Variants in DAB1 observed in about 807,000 individuals in gnomAD.
The protein encoded by DAB1 is DAB adaptor protein 1.
DAB1 carries 15 observed loss-of-function variants against 64.6 expected under a neutral mutation model. The observed-to-expected ratio is 0.23, with a 90% CI of 0.16 to 0.36. The LOEUF (loss-of-function observed/expected upper bound fraction) is 0.36, where lower values mean the gene tolerates loss of function less well. Among genes scored for constraint, DAB1 ranks in the 10% least tolerant of loss-of-function variants. The probability of loss-of-function intolerance (pLI) is 1.00; values close to 1 mark genes in which losing one functional copy is unlikely to be tolerated. For missense variants in DAB1, 596 were observed against 706.7 expected, an observed-to-expected ratio of 0.84 and a Z score of 1.78; for synonymous variants, 235 against 251.9, an observed-to-expected ratio of 0.93 and a Z score of 0.64.
At chr1:57,480,485 A>G (rs1345803797) in intron 7 of DAB1, among the ~76,000 whole-genome samples, 1 of 143,386 alleles carries the variant, frequency 7.0e-6, no homozygotes, top group African/African-American at 2.8e-5. Flanking sequence ...TAATTAGTGT[A>G]ATTTTCTTTT....
intron 5 of DAB1, among the ~76,000 whole-genome samples, chr1:58,118,688 A>C (rs1256715570): frequency 6.7e-6 from 1 of 148,404 alleles, no homozygotes; most frequent in Admixed American, 6.9e-5. Context: ...ACATATATAT[A>C]TCCTCATAAA....
rs1557427607 is a variant in DAB1, at chr1:57,695,286, AAGGG to A, written n.552-45625_552-45622del. ...GAAGGAAGGAAGGAAGGAAGGAAGA[AAGGG>A]AGAGAGAAGGAAAGAAAGAAAGAAA... On this transcript the variant is annotated intron_variant and non_coding_transcript_variant, in intron 6 of 20. Transcript: ENST00000485760. Among the ~76,000 whole-genome samples the A allele has an allele frequency of 3.4e-3, 413 of 120,546 alleles. 80 individuals carry two copies. The highest frequency in any genetic ancestry group is 0.011 in the African/African-American group (314 of 27,930). The allele number at this position is 120,546 out of a possible 152,430, so 79.1% of individuals were successfully genotyped here.
chr1:57,536,612 C>G (rs1277679724), intron 7 of DAB1, among the ~76,000 whole-genome samples: 1 of 86,554 alleles, frequency 1.2e-5, no homozygotes, highest in African/African-American at 2.7e-5. Context: ...GTGCTGACAT[C>G]CAGAAAAAAA....
At chr1:57,214,828 G>A (rs762386925) in intron 2 of DAB1, among the ~76,000 whole-genome samples, 2 of 141,860 alleles carry the variant, frequency 1.4e-5, no homozygotes, top group African/African-American at 2.7e-5. Context: ...GGAGAATAGC[G>A]TGAACCCAGG....
intron 7 of DAB1, among the ~76,000 whole-genome samples, chr1:57,599,564 G>C (rs1645552170): frequency 6.6e-6 from 1 of 152,060 alleles, no homozygotes; most frequent in Non-Finnish European, 1.5e-5. Context: ...ATACTGCTGA[G>C]CCTCAGTTTT....
chr1:58,132,414 G>A (rs1004086861), intron 5 of DAB1, among the ~76,000 whole-genome samples: 8 of 152,112 alleles, frequency 5.3e-5, no homozygotes, highest in South Asian at 2.1e-4. Flanking sequence ...GAAATCACCC[G>A]TCTTCTGCGT....
At chr1:57,850,059 A>G (rs1653451081) in intron 1 of DAB1, among the ~76,000 whole-genome samples, 1 of 152,174 alleles carries the variant, frequency 6.6e-6, no homozygotes, top group Admixed American at 6.5e-5. Flanking sequence ...TGGCTTGGAC[A>G]GGAAAAAATG....
intron 1 of DAB1, among the ~76,000 whole-genome samples, chr1:57,342,688 T>C (rs1329696747): frequency 3.3e-5 from 5 of 152,192 alleles, no homozygotes; most frequent in Admixed American, 3.3e-4. Flanking sequence ...GTCCGGAGTT[T>C]GTTCCTTCTG....
At chr1:57,150,726 A>T (rs72909185) in intron 2 of DAB1, among the ~76,000 whole-genome samples, 4,425 of 152,268 alleles carry the variant, frequency 0.029, 208 homozygotes, top group African/African-American at 0.1. Flanking sequence ...GGAGGGTTTC[A>T]AGAGGTAGGG....
rs563010913 is a variant in DAB1 at position 58,344,137 on chromosome 1, C to T, written n.258-734G>A. Among the ~76,000 whole-genome samples, 4 of 152,204 alleles carry T rather than the reference C, an allele frequency of 2.6e-5. No individual in the cohort carries two copies. In the South Asian group the frequency reaches 8.3e-4, roughly 32 times the overall value. ...ATGTGACCTTAGGCAAGTTACTTAA[C>T]CTCTCTGAGTCTCGCTGTTCTCAAC... is the stretch of plus-strand genomic sequence containing the variant. On this transcript the variant is annotated intron_variant and non_coding_transcript_variant, in intron 3 of 20. Transcript: ENST00000485760.
chr1:57,293,943 C>A (rs1305645652), intron 1 of DAB1, among the ~76,000 whole-genome samples: 2 of 152,094 alleles, frequency 1.3e-5, no homozygotes, highest in Non-Finnish European at 2.9e-5. Context: ...AAGTACATCC[C>A]TACATCAATA....
intron 7 of DAB1, among the ~76,000 whole-genome samples, chr1:57,472,821 C>A (rs1397231482): frequency 2.6e-5 from 4 of 152,172 alleles, no homozygotes; most frequent in Non-Finnish European, 4.4e-5. Flanking sequence ...TGCTACAAAA[C>A]AATACTCTAC....
At chr1:58,276,225 A>C (rs1472858350) in intron 4 of DAB1, among the ~76,000 whole-genome samples, 1 of 152,204 alleles carries the variant, frequency 6.6e-6, no homozygotes, top group Non-Finnish European at 1.5e-5. Flanking sequence ...AAAGTTCTGG[A>C]ATTGAGTGCA....
At chr1:58,452,745 T>C (rs1280489722) in intron 3 of DAB1, among the ~76,000 whole-genome samples, 1 of 151,578 alleles carries the variant, frequency 6.6e-6, no homozygotes, top group Non-Finnish European at 1.5e-5. Flanking sequence ...GGAGAATCAC[T>C]TGAACCCGGG....
intron 5 of DAB1, among the ~76,000 whole-genome samples, chr1:58,083,164 C>G (rs769114445): frequency 6.6e-6 from 1 of 152,132 alleles, no homozygotes; most frequent in Non-Finnish European, 1.5e-5. Context: ...AATAAAGGCA[C>G]GTCAGCTGAT....
chr1:57,438,150 GC>G (rs1388088281), intron 7 of DAB1, among the ~76,000 whole-genome samples: 2 of 152,038 alleles, frequency 1.3e-5, no homozygotes, highest in Non-Finnish European at 2.9e-5. Context: ...TGAGGCACAA[GC>G]CCTTTAGTTC....
At chr1:58,505,167 G>C (rs775672858) in intron 3 of DAB1, among the ~76,000 whole-genome samples, 1 of 152,138 alleles carries the variant, frequency 6.6e-6, no homozygotes, top group African/African-American at 2.4e-5. Context: ...GGCCAGGCTG[G>C]TCTCGAACTC....
intron 9 of DAB1, among the ~76,000 whole-genome samples, chr1:57,042,860 T>TAC (rs539308197): frequency 0.018 from 2,678 of 150,078 alleles, 64 homozygotes; most frequent in African/African-American, 0.055. Flanking sequence ...CACACATACA[T>TAC]ACACACACAC....
intron 5 of DAB1, among the ~76,000 whole-genome samples, chr1:57,964,779 A>C (rs1645612975): frequency 6.6e-6 from 1 of 152,186 alleles, no homozygotes; most frequent in Non-Finnish European, 1.5e-5. Flanking sequence ...CCTGGGACAC[A>C]GCAGAAATAT....
Sources: gnomAD v4.1 joint callset for allele counts (sites outside exome capture counted in the v4.1 genomes callset) on GRCh38, gnomAD v4.1.1 for gene constraint, MANE v1.5 for transcripts, NCBI Gene and HGNC (gene_info 2026-07-23, HGNC 2026-07-21) for gene names.